LPP: variants seen among roughly 807,000 people sequenced by gnomAD.
LPP encodes LIM domain containing preferred translocation partner in lipoma.
Under a neutral mutation model 60.4 loss-of-function variants are expected in LPP, and 38 were observed. The observed-to-expected ratio is 0.63, with a 90% CI of 0.49 to 0.83. The LOEUF is 0.83. Among genes scored for constraint, LPP ranks in the 40% least tolerant of loss-of-function variants. The pLI, the probability that LPP is intolerant of heterozygous loss-of-function variation, is 0.00. For synonymous variants in LPP, 328 were observed against 290.8 expected, an observed-to-expected ratio of 1.13 and a Z score of -1.30; for missense variants, 902 against 783.6, an observed-to-expected ratio of 1.15 and a Z score of -1.80.
At chr3:188,698,061 A>T (rs1577077445) in intron 7 of LPP, among the ~76,000 whole-genome samples, 1 of 152,178 alleles carries the variant, frequency 6.6e-6, no homozygotes, top group Non-Finnish European at 1.5e-5. Context: ...CTTGTAATTG[A>T]GGATAGTTTT....
chr3:188,490,582 T>C (rs1453758829), intron 5 of LPP, among the ~76,000 whole-genome samples: 1 of 151,918 alleles, frequency 6.6e-6, no homozygotes, highest in Admixed American at 6.6e-5. Context: ...CAGTCTGGTC[T>C]TGAACTCCTG....
At chr3:188,759,972 G>A (rs1279562176) in intron 8 of LPP, 141 bp from the exon 9 acceptor site, 1 of 660,316 alleles carries the variant, frequency 1.5e-6, no homozygotes, top group Non-Finnish European at 2.7e-6. Flanking sequence ...TGGGGTAATG[G>A]GGTAATAGTA....
At chr3:188,772,072 C>G (rs1231867306) in intron 9 of LPP, among the ~76,000 whole-genome samples, 1 of 152,198 alleles carries the variant, frequency 6.6e-6, no homozygotes, top group African/African-American at 2.4e-5. Context: ...TTTTTATGCA[C>G]AGTCAAGTTT....
At chr3:188,506,300 T>C (rs1560492871) in intron 5 of LPP, among the ~76,000 whole-genome samples, 1 of 152,154 alleles carries the variant, frequency 6.6e-6, no homozygotes, top group East Asian at 1.9e-4. Context: ...GAAGGTTATT[T>C]TGAGGACTAA....
At chr3:188,588,199 T>C (rs1837904691) in intron 6 of LPP, among the ~76,000 whole-genome samples, 1 of 152,170 alleles carries the variant, frequency 6.6e-6, no homozygotes, top group African/African-American at 2.4e-5. Context: ...GCAAGCTGTG[T>C]TTTTCAAGAC....
In LPP at chr3:188,476,571, T is replaced by C. The variant is rs113524793; in HGVS notation, c.194-8021T>C. On this transcript the variant is annotated intron_variant, in intron 4 of 11. Coordinates refer to ENST00000617246, the MANE Select transcript of LPP (RefSeq NM_001375462.1). ...TGAGAAAAGTTTAGTAGCAGTAGCA[T>C]ATGAGAATGCTGGTTTCCCTATACT... Among the ~76,000 whole-genome samples, 1,034 of 152,336 alleles carry C rather than the reference T, an allele frequency of 6.8e-3. 15 individuals are homozygous for C. Among genetic ancestry groups the C allele is most frequent in the African/African-American group, 0.023 (975 of 41,578 alleles).
At position 188,509,080 on chromosome 3, in the gene LPP, G is replaced by T. The variant is rs200601034; in HGVS notation, c.307-15585G>T. Among the ~76,000 whole-genome samples the T allele has an allele frequency of 1.4e-4, 21 of 152,282 alleles. No homozygotes were observed. The East Asian group carries it at 2.1e-3, about 15-fold the overall frequency. On this transcript the variant is annotated intron_variant, in intron 5 of 11. Transcript: ENST00000617246. The stretch of plus-strand genomic sequence containing the variant: ...TTGCTAGCTTCCTTTCAAAACTCCA[G>T]TATTTTCTTATTTTAGGACGTATCT...
chr3:188,869,090 A>G (rs1470401600), intron 10 of LPP, among the ~76,000 whole-genome samples: 1 of 152,100 alleles, frequency 6.6e-6, no homozygotes, highest in Admixed American at 6.5e-5. Flanking sequence ...TAAGTGGGAA[A>G]CAAGGAGATT....
At chr3:188,287,340 A>G (rs905308436) in intron 2 of LPP, among the ~76,000 whole-genome samples, 1 of 152,218 alleles carries the variant, frequency 6.6e-6, no homozygotes, top group African/African-American at 2.4e-5. Flanking sequence ...TCTCATAGAG[A>G]CATAAACAGT....
At chr3:188,156,806 T>C (rs959488031) in intron 1 of LPP, among the ~76,000 whole-genome samples, 5 of 151,522 alleles carry the variant, frequency 3.3e-5, no homozygotes, top group Admixed American at 2.0e-4. Flanking sequence ...CATTGCACTC[T>C]AGCCTGGGTG....
chr3:188,528,045 G>A (rs1329821336), intron 6 of LPP, among the ~76,000 whole-genome samples: 2 of 152,064 alleles, frequency 1.3e-5, no homozygotes, highest in Admixed American at 1.3e-4. Context: ...TGTTTGTCAG[G>A]GAGTAGTTTT....
At chr3:188,235,350 T>C (rs1226152184) in intron 2 of LPP, among the ~76,000 whole-genome samples, 1 of 152,182 alleles carries the variant, frequency 6.6e-6, no homozygotes, top group East Asian at 1.9e-4. Flanking sequence ...AAACCACAGA[T>C]GGAATGTGTG....
chr3:188,793,096 A>G (rs911840500), intron 9 of LPP, among the ~76,000 whole-genome samples: 2 of 151,944 alleles, frequency 1.3e-5, no homozygotes, highest in Non-Finnish European at 2.9e-5. Flanking sequence ...GGCAGACAGT[A>G]GTAGAGGCCC....
chr3:188,842,513 A>G (rs1163296515), intron 9 of LPP, among the ~76,000 whole-genome samples: 4 of 152,050 alleles, frequency 2.6e-5, no homozygotes, highest in Non-Finnish European at 5.9e-5. Flanking sequence ...GTGCAGATTA[A>G]CTTGATGTGA....
intron 1 of LPP, among the ~76,000 whole-genome samples, chr3:188,156,900 G>A (rs900237106): frequency 3.3e-5 from 5 of 150,154 alleles, no homozygotes; most frequent in African/African-American, 1.2e-4. Context: ...TCATTTACTC[G>A]ACATAGGTTA....
chr3:188,777,150 C>A (rs1738062588), intron 9 of LPP, among the ~76,000 whole-genome samples: 1 of 151,328 alleles, frequency 6.6e-6, no homozygotes. Context: ...TAGTTGTTTT[C>A]ATTTGATATT....
rs922259774 is a variant in LPP, at chr3:188,883,940, T to G, written c.*9461T>G. The stretch of plus-strand genomic sequence containing the variant: ...GGAAATGTACAAATGCTTTCCTCAT[T>G]GCTCTGGATGACTATTTAGTTTAAA... On this transcript the variant is annotated 3_prime_UTR_variant, in exon 12 of 12. Coordinates refer to ENST00000617246, the MANE Select transcript of LPP (RefSeq NM_001375462.1). 1.4e-5 allele frequency: 3 copies of G among 215,896 alleles called. No individual in the cohort carries two copies. Among genetic ancestry groups the G allele is most frequent in the East Asian group, 1.4e-4 (2 of 14,576 alleles). 13.4% of individuals were successfully genotyped at this position (215,896 alleles called of 1,614,324 possible).
intron 9 of LPP, among the ~76,000 whole-genome samples, chr3:188,815,639 T>C (rs1028262645): frequency 7.9e-5 from 12 of 152,300 alleles, no homozygotes; most frequent in Admixed American, 2.0e-4. Context: ...GTTTTCCTGC[T>C]TGTATGTGTT....
chr3:188,755,954 C>G (rs1029344473), intron 8 of LPP, among the ~76,000 whole-genome samples: 1 of 150,048 alleles, frequency 6.7e-6, no homozygotes. Flanking sequence ...CCCATGCCAT[C>G]CCCAAAAATG....
Sources: allele counts gnomAD v4.1 joint callset (sites outside exome capture counted in the v4.1 genomes callset), GRCh38; gene constraint gnomAD v4.1.1; transcripts MANE v1.5; gene names NCBI Gene and HGNC (gene_info 2026-07-23, HGNC 2026-07-21).